RBFOX1: variants seen among roughly 807,000 people sequenced by gnomAD.
RBFOX1 encodes the protein RNA binding fox-1 homolog 1, also known as RNA binding protein fox-1 homolog 1.
In RBFOX1, 8 loss-of-function variants were observed where a neutral mutation model predicts 57.7. The observed-to-expected ratio is 0.14, with a 90% confidence interval of 0.08 to 0.25. The LOEUF is 0.25. Among genes scored for constraint, RBFOX1 ranks in the 10% least tolerant of loss-of-function variants. The probability of loss-of-function intolerance (pLI) is 1.00; values close to 1 mark genes in which losing one functional copy is unlikely to be tolerated. For missense variants in RBFOX1, 611 were observed against 548.5 expected (o/e 1.11, Z -1.14); for synonymous variants, 326 against 222.4 (o/e 1.47, Z -4.15).
chr16:7,064,376 C>A (rs909668379), intron 4 of RBFOX1, among the ~76,000 whole-genome samples: 2 of 151,934 alleles, frequency 1.3e-5, no homozygotes, highest in Non-Finnish European at 2.9e-5. Context: ...ACCATGTTGC[C>A]CAGGCTGGTC....
At chr16:6,099,730 CTG>C (rs1389550851) in intron 1 of RBFOX1, among the ~76,000 whole-genome samples, 3 of 152,158 alleles carry the variant, frequency 2.0e-5, no homozygotes, top group Non-Finnish European at 2.9e-5. Flanking sequence ...TGAGAGGAGA[CTG>C]TATACAGGAA....
At chr16:6,990,380 C>T (rs1281601964) in intron 3 of RBFOX1, among the ~76,000 whole-genome samples, 1 of 151,954 alleles carries the variant, frequency 6.6e-6, no homozygotes, top group Non-Finnish European at 1.5e-5. Flanking sequence ...CAAAAGTTAG[C>T]CGGTAGTGGT....
Position 7,064,463 on chromosome 16 carries a change from C to T in RBFOX1, c.27+12365C>T, listed in dbSNP as rs142290842. Among the ~76,000 whole-genome samples the T allele has an allele frequency of 3.9e-3, 588 of 152,232 alleles. 4 individuals are homozygous for T. The highest frequency in any genetic ancestry group is 0.013 in the African/African-American group (549 of 41,530). ...GGTTTACAGGTGTGAGCCACCATGCCTGGCTGGGTGGTGTTCTTATAAGAA... is the reference window on the plus strand; with the variant it reads ...GGTTTACAGGTGTGAGCCACCATGCTTGGCTGGGTGGTGTTCTTATAAGAA... On this transcript the variant is annotated intron_variant, in intron 4 of 15. Coordinates refer to ENST00000550418, the MANE Select transcript of RBFOX1 (RefSeq NM_018723.4).
At chr16:6,960,626 C>A (rs2082763065) in intron 3 of RBFOX1, among the ~76,000 whole-genome samples, 1 of 151,934 alleles carries the variant, frequency 6.6e-6, no homozygotes, top group Non-Finnish European at 1.5e-5. Flanking sequence ...TTTTTTCCTG[C>A]CTTCTCTCCT....
intron 3 of RBFOX1, among the ~76,000 whole-genome samples, chr16:6,818,212 G>A (rs1330494657): frequency 2.6e-5 from 4 of 152,152 alleles, no homozygotes; most frequent in African/African-American, 7.2e-5. Context: ...TGACAGTTTG[G>A]CCAACGAAAT....
Position 5,292,184 on chromosome 16 carries a change from G to T in RBFOX1, c.219+52079G>T, listed in dbSNP as rs151247232. On this transcript the variant is annotated intron_variant, in intron 1 of 2. Coordinates refer to the RBFOX1 transcript ENST00000585867. ...GGGAGCTAAATCTGTTTAGATGTGC[G>T]CCAGTGTTACTATAATAGTTTGGTC... is the stretch of plus-strand genomic sequence containing the variant. Among the ~76,000 whole-genome samples, 975 of 149,580 alleles carry T rather than the reference G, an allele frequency of 6.5e-3. 13 individuals are homozygous for T. The highest frequency in any genetic ancestry group is 0.023 in the African/African-American group (924 of 40,724).
At chr16:6,117,258 A>C (rs1597452610) in intron 1 of RBFOX1, among the ~76,000 whole-genome samples, 1 of 152,272 alleles carries the variant, frequency 6.6e-6, no homozygotes, top group East Asian at 1.9e-4. Flanking sequence ...GAATTTGTGG[A>C]CATGTTTGGA....
intron 2 of RBFOX1, among the ~76,000 whole-genome samples, chr16:5,539,657 G>A (rs1386402204): frequency 6.6e-6 from 1 of 152,096 alleles, no homozygotes; most frequent in African/African-American, 2.4e-5. Flanking sequence ...CCAAGGGAGT[G>A]ATGGGAATAG....
At chr16:7,188,231 G>A (rs767781278) in intron 4 of RBFOX1, among the ~76,000 whole-genome samples, 2 of 152,312 alleles carry the variant, frequency 1.3e-5, no homozygotes, top group African/African-American at 2.4e-5. Context: ...TTCTGCATAG[G>A]CTTCTTGAAA....
At chr16:7,316,370 A>G (rs572875172) in intron 4 of RBFOX1, among the ~76,000 whole-genome samples, 1 of 152,344 alleles carries the variant, frequency 6.6e-6, no homozygotes, top group South Asian at 2.1e-4. Context: ...TACAGAAGGC[A>G]TAGCTGGTCA....
intron 1 of RBFOX1, among the ~76,000 whole-genome samples, chr16:6,247,600 C>G (rs1446465875): frequency 2.0e-5 from 3 of 152,280 alleles, no homozygotes; most frequent in South Asian, 4.1e-4. Flanking sequence ...TTTATTTTAT[C>G]TGCAAAACAA....
At chr16:5,600,326 AC>A (rs2047325034), downstream of RBFOX1, among the ~76,000 whole-genome samples, 1 of 150,972 alleles carries the variant, frequency 6.6e-6, no homozygotes, top group Admixed American at 6.6e-5. Context: ...TAAAAAAAAA[AC>A]AAAACCAAAT....
intron 3 of RBFOX1, among the ~76,000 whole-genome samples, chr16:6,738,092 A>G (rs2070923056): frequency 6.6e-6 from 1 of 151,974 alleles, no homozygotes; most frequent in East Asian, 1.9e-4. Flanking sequence ...AAAAAAAAAA[A>G]AGTCAGGCAT....
chr16:7,555,710 G>C (rs575140945), intron 5 of RBFOX1, among the ~76,000 whole-genome samples: 4 of 152,082 alleles, frequency 2.6e-5, no homozygotes, highest in Non-Finnish European at 5.9e-5. Flanking sequence ...GGCTGTGTCT[G>C]GGACTGGGCT....
At chr16:6,677,011 CAA>C in intron 3 of RBFOX1, among the ~76,000 whole-genome samples, 1 of 152,190 alleles carries the variant, frequency 6.6e-6, no homozygotes. Context: ...TCCAAAAGAC[CAA>C]AAGACTTGAA....
chr16:5,804,540 G>C (rs2055166084), intron 3 of RBFOX1, among the ~76,000 whole-genome samples: 1 of 152,178 alleles, frequency 6.6e-6, no homozygotes, highest in African/African-American at 2.4e-5. Context: ...AACGTTGAGT[G>C]CTGTGAATTC....
intron 1 of RBFOX1, among the ~76,000 whole-genome samples, chr16:6,041,475 T>C (rs779438263): frequency 1.3e-5 from 2 of 152,188 alleles, no homozygotes; most frequent in Non-Finnish European, 2.9e-5. Context: ...GTGTTTTATA[T>C]GTACTATTCA....
intron 2 of RBFOX1, among the ~76,000 whole-genome samples, chr16:6,454,190 CA>C (rs1489872420): frequency 3.3e-5 from 5 of 152,106 alleles, no homozygotes; most frequent in African/African-American, 7.2e-5. Context: ...TTCTGATGTA[CA>C]GGGGGTTAAG....
intron 10 of RBFOX1, among the ~76,000 whole-genome samples, chr16:7,612,929 C>T (rs1031987882): frequency 1.3e-5 from 2 of 152,162 alleles, no homozygotes; most frequent in African/African-American, 4.8e-5. Flanking sequence ...TAAGATGCAC[C>T]ACTTGAACAC....
Sources: allele counts gnomAD v4.1 joint callset (sites outside exome capture counted in the v4.1 genomes callset), GRCh38; gene constraint gnomAD v4.1.1; transcripts MANE v1.5; gene names NCBI Gene and HGNC (gene_info 2026-07-23, HGNC 2026-07-21).